The following PTPRD variants were observed in gnomAD, a reference collection of about 807,000 sequenced individuals.
The protein encoded by PTPRD is receptor-type tyrosine-protein phosphatase delta.
In PTPRD, 34 loss-of-function variants were observed where a neutral mutation model predicts 214.5. The ratio of observed to expected loss-of-function variants is 0.16; its 90% CI spans 0.12 to 0.21. The LOEUF is 0.21. Among genes scored for constraint, PTPRD ranks in the 10% least tolerant of loss-of-function variants. The probability of loss-of-function intolerance (pLI) is 1.00; values close to 1 mark genes in which losing one functional copy is unlikely to be tolerated. For synonymous variants in PTPRD, 1,128 were observed against 845.7 expected, an observed-to-expected ratio of 1.33 and a Z score of -5.79; for missense variants, 2,545 against 2,398.7, an observed-to-expected ratio of 1.06 and a Z score of -1.27.
intron 10 of PTPRD, among the ~76,000 whole-genome samples, chr9:9,066,937 G>C (rs542616208): frequency 1.3e-5 from 2 of 152,296 alleles, no homozygotes; most frequent in African/African-American, 4.8e-5. Context: ...GGATTATGTG[G>C]TAATCCCTAT....
At chr9:8,516,362 G>T (rs910196487) in intron 21 of PTPRD, among the ~76,000 whole-genome samples, 4 of 152,092 alleles carry the variant, frequency 2.6e-5, no homozygotes, top group Non-Finnish European at 5.9e-5. Context: ...TTTATAGCTG[G>T]CTTTCCTACA....
At chr9:10,510,664 A>G (rs571764969) in intron 2 of PTPRD, among the ~76,000 whole-genome samples, 1 of 152,264 alleles carries the variant, frequency 6.6e-6, no homozygotes, top group East Asian at 1.9e-4. Context: ...TATCTGGGTA[A>G]TGGGGATGTC....
At chr9:8,475,521 T>C (rs1448375239) in intron 30 of PTPRD, among the ~76,000 whole-genome samples, 1 of 152,176 alleles carries the variant, frequency 6.6e-6, no homozygotes, top group Non-Finnish European at 1.5e-5. Flanking sequence ...ATGCAAATGA[T>C]TTCCAGACTC....
At chr9:9,211,749 G>C (rs1420131755) in intron 9 of PTPRD, among the ~76,000 whole-genome samples, 3 of 151,672 alleles carry the variant, frequency 2.0e-5, no homozygotes, top group Admixed American at 2.0e-4. Context: ...TCTTTGTTGT[G>C]CTTTGCACAT....
chr9:10,483,016 G>A (rs577336782), intron 2 of PTPRD, among the ~76,000 whole-genome samples: 14 of 152,016 alleles, frequency 9.2e-5, no homozygotes, highest in African/African-American at 1.7e-4. Context: ...TGGAGGCATC[G>A]TATGACTCAA....
chr9:8,869,154 T>G (rs2098250501), intron 11 of PTPRD, among the ~76,000 whole-genome samples: 1 of 152,186 alleles, frequency 6.6e-6, no homozygotes, highest in African/African-American at 2.4e-5. Flanking sequence ...TTGATGCCTT[T>G]GTGTTATTTT....
intron 11 of PTPRD, among the ~76,000 whole-genome samples, chr9:8,801,734 AAAT>A (rs2096575506): frequency 6.6e-6 from 1 of 152,150 alleles, no homozygotes; most frequent in Admixed American, 6.5e-5. Context: ...ATGAATAAAT[AAAT>A]AATATTTTAA....
intron 6 of PTPRD, among the ~76,000 whole-genome samples, chr9:9,737,677 T>G (rs2098324505): frequency 6.6e-6 from 1 of 152,224 alleles, no homozygotes; most frequent in Admixed American, 6.5e-5. Flanking sequence ...AGTACTTTAT[T>G]CCTTATGTTG....
intron 3 of PTPRD, among the ~76,000 whole-genome samples, chr9:10,219,634 T>C (rs758765528): frequency 6.6e-6 from 1 of 151,888 alleles, no homozygotes; most frequent in Non-Finnish European, 1.5e-5. Flanking sequence ...GGATTTCCTA[T>C]TAATCAAATA....
intron 3 of PTPRD, among the ~76,000 whole-genome samples, chr9:10,195,190 T>C (rs1265055278): frequency 6.6e-6 from 1 of 150,754 alleles, no homozygotes; most frequent in East Asian, 2.0e-4. Context: ...CAAGCATTTG[T>C]AACAGGATGA....
chr9:10,380,200 T>G (rs1015513812), intron 2 of PTPRD, among the ~76,000 whole-genome samples: 3 of 152,050 alleles, frequency 2.0e-5, no homozygotes, highest in South Asian at 2.1e-4. Context: ...AAGAAACACA[T>G]AGAGATGTTG....
intron 6 of PTPRD, among the ~76,000 whole-genome samples, chr9:9,744,359 C>A (rs1017548018): frequency 1.3e-5 from 2 of 151,994 alleles, no homozygotes; most frequent in Non-Finnish European, 2.9e-5. Flanking sequence ...ATAAACCTTG[C>A]ATGTAGATGT....
At chr9:8,440,344 C>T (rs142815860) in intron 34 of PTPRD, among the ~76,000 whole-genome samples, 4,409 of 149,366 alleles carry the variant, frequency 0.03, 90 homozygotes, top group South Asian at 0.091. Flanking sequence ...GAGATGTAGT[C>T]TCACTCTGTT....
chr9:9,559,170 G>T (rs1013123760), intron 8 of PTPRD, among the ~76,000 whole-genome samples: 1 of 152,050 alleles, frequency 6.6e-6, no homozygotes, highest in African/African-American at 2.4e-5. Flanking sequence ...CCCAGTCTGG[G>T]GCGTGGTTAC....
intron 2 of PTPRD, among the ~76,000 whole-genome samples, chr9:10,378,363 G>C (rs147575309): frequency 7.0e-4 from 106 of 152,084 alleles, no homozygotes; most frequent in African/African-American, 2.4e-3. Context: ...TGGGCTTGTA[G>C]GGTATTGCTC....
At chr9:9,048,382 G>C (rs1231986527) in intron 10 of PTPRD, among the ~76,000 whole-genome samples, 1 of 152,136 alleles carries the variant, frequency 6.6e-6, no homozygotes, top group Admixed American at 6.6e-5. Context: ...ATTTACAACA[G>C]CTAAGATTTA....
intron 30 of PTPRD, among the ~76,000 whole-genome samples, chr9:8,476,450 C>A (rs1591507162): frequency 6.6e-6 from 1 of 152,130 alleles, no homozygotes; most frequent in Non-Finnish European, 1.5e-5. Context: ...GGTTGGAGAT[C>A]TCTGACAGTC....
intron 9 of PTPRD, among the ~76,000 whole-genome samples, chr9:9,245,379 A>T (rs1050371475): frequency 6.6e-6 from 1 of 152,136 alleles, no homozygotes; most frequent in African/African-American, 2.4e-5. Flanking sequence ...CAAATTTCCA[A>T]CAATGATAGA....
chr9:8,687,953 G>C (rs1294313385), intron 12 of PTPRD, among the ~76,000 whole-genome samples: 2 of 152,076 alleles, frequency 1.3e-5, no homozygotes, highest in African/African-American at 2.4e-5. Context: ...ATAAACAATT[G>C]AGTTATATCA....
Sources: gnomAD v4.1 joint callset for allele counts (sites outside exome capture counted in the v4.1 genomes callset) on GRCh38, gnomAD v4.1.1 for gene constraint, MANE v1.5 for transcripts, NCBI Gene and HGNC (gene_info 2026-07-23, HGNC 2026-07-21) for gene names.